The following SNX31 variants were observed in gnomAD, a reference collection of about 807,000 sequenced individuals.
SNX31 encodes sorting nexin-31.
A neutral mutation model predicts 65.4 loss-of-function variants in SNX31; 58 were observed. The observed-to-expected ratio is 0.89, with a 90% CI of 0.72 to 1.10. SNX31 has a LOEUF of 1.10. SNX31 is among the 50% of genes least tolerant of loss of function. The pLI, the probability that SNX31 is intolerant of heterozygous loss-of-function variation, is 0.00. For synonymous variants in SNX31, 181 were observed against 190.1 expected (o/e 0.95, Z 0.39); for missense variants, 523 against 529.7 (o/e 0.99, Z 0.12).
chr8:100,645,405 T>G (rs972514094), intron 2 of SNX31, among the ~76,000 whole-genome samples: 1 of 152,190 alleles, frequency 6.6e-6, no homozygotes, highest in Non-Finnish European at 1.5e-5. Context: ...GAGAAATATC[T>G]GGGAGAGGTC....
At chr8:100,596,264 T>C (rs781670758) in intron 10 of SNX31, among the ~76,000 whole-genome samples, 3 of 152,122 alleles carry the variant, frequency 2.0e-5, no homozygotes, top group Non-Finnish European at 4.4e-5. Flanking sequence ...GATGCCAAGG[T>C]GTTGTAAGAA....
chr8:100,655,516 AC>A (rs1393210132), intron 1 of SNX31, among the ~76,000 whole-genome samples: 3 of 150,600 alleles, frequency 2.0e-5, no homozygotes, highest in Non-Finnish European at 4.4e-5. Context: ...ATAAGAGGAA[AC>A]CCCTTTTGCT....
chr8:100,637,019 C>G (rs993837300), intron 2 of SNX31, among the ~76,000 whole-genome samples: 1 of 152,178 alleles, frequency 6.6e-6, no homozygotes, highest in Non-Finnish European at 1.5e-5. Context: ...CCACACCCGG[C>G]CGGGTGACTC....
At chr8:100,579,205 C>T (rs1813297717) in intron 12 of SNX31, among the ~76,000 whole-genome samples, 1 of 152,112 alleles carries the variant, frequency 6.6e-6, no homozygotes, top group African/African-American at 2.4e-5. Flanking sequence ...GTCTCCTAGT[C>T]TCCTTCCCCT....
At chr8:100,596,864 G>A (rs773369931) in intron 9 of SNX31, 22 bp from the exon 10 acceptor site, 2 of 1,608,772 alleles carry the variant, frequency 1.2e-6, no homozygotes, top group Non-Finnish European at 1.7e-6. Flanking sequence ...AGGGTGATGT[G>A]GGGGGAGGGG....
In SNX31 at chr8:100,635,933, C is replaced by T. The variant is rs1194281286; in HGVS notation, c.220G>A (p.Glu74Lys). ...YLAMTTAMAD[E>K]RRDQLEQYLQ... ...TATTGTTCCAGTTGGTCCCTCCTCT[C>T]ATCAGCCATAGCTGTGGTCATTGCC... Residue 74 changes from glutamate to lysine, a missense_variant, in exon 3 of 14, where the codon GAG (glutamate) becomes AAG (lysine). Coordinates refer to ENST00000311812, the MANE Select transcript of SNX31 (RefSeq NM_152628.4). 3 of 1,614,120 alleles carry T rather than the reference C, an allele frequency of 1.9e-6. No individual in the cohort carries two copies. Among genetic ancestry groups the T allele is most frequent in the Non-Finnish European group, 1.7e-6 (2 of 1,179,992 alleles).
At chr8:100,601,959 C>G (rs1208370989) in intron 8 of SNX31, among the ~76,000 whole-genome samples, 1 of 152,238 alleles carries the variant, frequency 6.6e-6, no homozygotes, top group Non-Finnish European at 1.5e-5. Context: ...TCCCCTTTAG[C>G]CAGTCTGGCC....
rs1369544028 is a variant in SNX31, at chr8:100,613,896, T to G, written c.433-811A>C. On this transcript the variant is annotated intron_variant, in intron 5 of 13. Transcript: ENST00000311812. The surrounding 1 kb of genome is among the most constrained non-coding windows in gnomAD (Gnocchi z 5.2). ...TCGAGTAATTTCTTTATACTCCTGG[T>G]CTTAACTCACTAAATCACCTCTGTA... is the stretch of plus-strand genomic sequence containing the variant. Among the ~76,000 whole-genome samples the G allele has an allele frequency of 6.6e-6, 1 of 152,126 alleles. No homozygotes were observed. The highest frequency in any genetic ancestry group is 1.5e-5 in the Non-Finnish European group (1 of 68,006).
intron 12 of SNX31, among the ~76,000 whole-genome samples, chr8:100,581,131 A>C (rs1405275784): frequency 7.2e-6 from 1 of 138,966 alleles, no homozygotes; most frequent in Non-Finnish European, 1.6e-5. Flanking sequence ...CCTTACCTCT[A>C]CAAAAAAAAA....
intron 2 of SNX31, among the ~76,000 whole-genome samples, chr8:100,645,520 T>C (rs570061070): frequency 6.6e-6 from 1 of 151,374 alleles, no homozygotes; most frequent in East Asian, 1.9e-4. Flanking sequence ...TAAAAAAAAT[T>C]GTTTGTTGTT....
intron 12 of SNX31, among the ~76,000 whole-genome samples, chr8:100,577,704 C>T (rs1298155154): frequency 2.6e-5 from 4 of 152,184 alleles, no homozygotes; most frequent in Admixed American, 2.6e-4. Context: ...CTTACCACCT[C>T]TAGGCCTGAA....
intron 8 of SNX31, among the ~76,000 whole-genome samples, chr8:100,605,325 GCCAAGGCAGGCCTC>G (rs1554577781): frequency 6.6e-6 from 1 of 152,138 alleles, no homozygotes; most frequent in Non-Finnish European, 1.5e-5. Flanking sequence ...TCTGGGGAGA[GCCAAGGCAGGCCTC>G]CCAAAAGAGG....
At chr8:100,641,545 C>CAAAAAAA (rs1173913088) in intron 2 of SNX31, among the ~76,000 whole-genome samples, 1 of 10,260 alleles carries the variant, frequency 9.7e-5, no homozygotes, top group African/African-American at 4.3e-4. Flanking sequence ...GACCTTGTCT[C>CAAAAAAA]AAAAAAAAAA....
intron 8 of SNX31, among the ~76,000 whole-genome samples, chr8:100,606,912 A>G (rs1383848866): frequency 1.3e-5 from 2 of 152,222 alleles, no homozygotes; most frequent in Non-Finnish European, 2.9e-5. Context: ...TGCCAGGCCC[A>G]CCAAAGGGCT....
At chr8:100,638,016 G>A (rs2131230778) in intron 2 of SNX31, among the ~76,000 whole-genome samples, 1 of 151,982 alleles carries the variant, frequency 6.6e-6, no homozygotes, top group Admixed American at 6.6e-5. Flanking sequence ...CTTTAAAAAT[G>A]TAAGTCAGCC....
At chr8:100,650,583 G>A (rs562453499), upstream of SNX31, among the ~76,000 whole-genome samples, 1 of 152,322 alleles carries the variant, frequency 6.6e-6, no homozygotes, top group Non-Finnish European at 1.5e-5. Context: ...AAGGAGAAGC[G>A]ACGCCTGCCA....
chr8:100,579,726 G>T (rs1035194619), intron 12 of SNX31, among the ~76,000 whole-genome samples: 16 of 152,198 alleles, frequency 1.1e-4, no homozygotes, highest in African/African-American at 3.9e-4. Context: ...TGAGGATGGA[G>T]TAAGAGGTGT....
intron 8 of SNX31, among the ~76,000 whole-genome samples, chr8:100,607,484 C>T (rs941217198): frequency 9.2e-5 from 14 of 152,244 alleles, no homozygotes; most frequent in African/African-American, 3.4e-4. Context: ...GTAGGGCCAA[C>T]TACATAATTT....
At chr8:100,655,463 G>A (rs931882566) in intron 1 of SNX31, among the ~76,000 whole-genome samples, 25 of 152,116 alleles carry the variant, frequency 1.6e-4, no homozygotes, top group Non-Finnish European at 1.5e-5. Flanking sequence ...CCCCCATACT[G>A]TTCTCGTGGT....
Sources: allele counts gnomAD v4.1 joint callset (sites outside exome capture counted in the v4.1 genomes callset), GRCh38; gene constraint gnomAD v4.1.1; non-coding constraint Gnocchi (gnomAD v3.1); transcripts MANE v1.5; gene names NCBI Gene and HGNC (gene_info 2026-07-23, HGNC 2026-07-21).